ADAM2: variants seen among roughly 807,000 people sequenced by gnomAD.
ADAM2 encodes disintegrin and metalloproteinase domain-containing protein 2.
ADAM2 carries 101 observed loss-of-function variants against 99.3 expected under a neutral mutation model. The observed-to-expected ratio is 1.02, with a 90% CI of 0.87 to 1.20. ADAM2 has a LOEUF of 1.20. ADAM2 is among the 50% of genes most tolerant of loss of function. The pLI, the probability that ADAM2 is intolerant of heterozygous loss-of-function variation, is 0.00. For synonymous variants in ADAM2, 323 were observed against 287.6 expected (o/e 1.12, Z -1.25); for missense variants, 948 against 878.7 (o/e 1.08, Z -1.00).
intron 2 of ADAM2, among the ~76,000 whole-genome samples, chr8:39,836,468 T>C (rs143144583): frequency 6.6e-6 from 1 of 152,166 alleles, no homozygotes; most frequent in African/African-American, 2.4e-5. Flanking sequence ...AATGTCTGTA[T>C]TAGGATGACA....
chr8:39,837,282 A>G, intron 1 of ADAM2, 70 bp from the exon 2 acceptor site: 1 of 1,084,766 alleles, frequency 9.2e-7, no homozygotes, highest in Non-Finnish European at 1.4e-6. Flanking sequence ...TGAGTTTTTC[A>G]TCTAAATCTC....
intron 19 of ADAM2, among the ~76,000 whole-genome samples, chr8:39,745,095 G>GA (rs915756570): frequency 1.2e-4 from 18 of 151,556 alleles, no homozygotes; most frequent in East Asian, 3.9e-4. Context: ...CAGTGAATAT[G>GA]AAAAAAAAGC....
At chr8:39,757,216 A>G (rs1425150586) in intron 15 of ADAM2, among the ~76,000 whole-genome samples, 1 of 151,638 alleles carries the variant, frequency 6.6e-6, no homozygotes, top group Non-Finnish European at 1.5e-5. Flanking sequence ...ATGTAAAAAA[A>G]CCCAACTTGC....
chr8:39,780,719 A>G (rs1803184383), intron 10 of ADAM2, among the ~76,000 whole-genome samples: 1 of 152,176 alleles, frequency 6.6e-6, no homozygotes, highest in African/African-American at 2.4e-5. Flanking sequence ...ATTTTGTTTC[A>G]TCTTAAGTAA....
intron 10 of ADAM2, among the ~76,000 whole-genome samples, chr8:39,785,209 T>C (rs959454215): frequency 6.6e-6 from 1 of 152,220 alleles, no homozygotes; most frequent in Non-Finnish European, 1.5e-5. Context: ...ATTTAATCCA[T>C]CTTGAGTTAA....
intron 7 of ADAM2, among the ~76,000 whole-genome samples, chr8:39,795,052 AT>A (rs995863688): frequency 3.9e-5 from 6 of 152,144 alleles, no homozygotes; most frequent in African/African-American, 1.4e-4. Flanking sequence ...CTAAAAAAAA[AT>A]CTCCCTAAAT....
chr8:39,754,272 G>A (rs1023030425), intron 16 of ADAM2, among the ~76,000 whole-genome samples: 15 of 152,116 alleles, frequency 9.9e-5, no homozygotes, highest in Non-Finnish European at 4.4e-5. Context: ...CCATGTAAAG[G>A]AGGATCACAA....
chr8:39,761,164 C>T lies in ADAM2; in HGVS notation c.1613+12G>A. 1.3e-6 allele frequency: 2 copies of T among 1,496,800 alleles called. No individual in the cohort carries two copies. The highest frequency in any genetic ancestry group is 1.8e-6 in the Non-Finnish European group (2 of 1,108,576). 92.7% of individuals were successfully genotyped at this position (1,496,800 alleles called of 1,614,324 possible). A position where few individuals can be genotyped will look rare whatever the true frequency, so the allele number is the denominator to read the frequency against. ...TAAATAGAAGTTCTAAGACAGATTT[C>T]TGAAAACATACTCAGCTTCACACTG... On this transcript the variant is annotated intron_variant, in intron 15 of 20. Coordinates refer to ENST00000265708, the MANE Select transcript of ADAM2 (RefSeq NM_001464.5).
intron 18 of ADAM2, among the ~76,000 whole-genome samples, chr8:39,747,821 A>G (rs1305917762): frequency 6.6e-6 from 1 of 152,192 alleles, no homozygotes; most frequent in Admixed American, 6.5e-5. Flanking sequence ...TAATGGTTTC[A>G]CTTTCTGCAA....
chr8:39,818,383 G>A (rs1805039222), intron 6 of ADAM2, among the ~76,000 whole-genome samples: 1 of 151,946 alleles, frequency 6.6e-6, no homozygotes, highest in Non-Finnish European at 1.5e-5. Flanking sequence ...AACCCTTAAT[G>A]ACAAAACAAA....
At chr8:39,838,049 A>G (rs1805910818) in intron 1 of ADAM2, 82 bp downstream of exon 1, 5 of 1,467,504 alleles carry the variant, frequency 3.4e-6, no homozygotes, top group Non-Finnish European at 4.8e-6. Flanking sequence ...GCATCCTCCC[A>G]GGGATGTCAA....
At chr8:39,765,693 A>C (rs1347408602) in intron 14 of ADAM2, among the ~76,000 whole-genome samples, 2 of 152,124 alleles carry the variant, frequency 1.3e-5, no homozygotes, top group Non-Finnish European at 2.9e-5. Context: ...TGTGGTACCA[A>C]ATTACCCATT....
At chr8:39,824,672 A>G in intron 4 of ADAM2, 147 bp downstream of exon 4, 6 of 631,192 alleles carry the variant, frequency 9.5e-6, no homozygotes, top group Non-Finnish European at 1.4e-5. Flanking sequence ...AACTCAGTAC[A>G]TCAGTATACA....
chr8:39,810,988 T>C (rs1804669802), intron 6 of ADAM2, among the ~76,000 whole-genome samples: 1 of 151,330 alleles, frequency 6.6e-6, no homozygotes, highest in Non-Finnish European at 1.5e-5. Context: ...AAAAAATCAA[T>C]GAATCCAGGA....
intron 16 of ADAM2, among the ~76,000 whole-genome samples, chr8:39,754,887 T>C (rs1204421409): frequency 6.6e-6 from 1 of 152,230 alleles, no homozygotes; most frequent in African/African-American, 2.4e-5. Context: ...AGGTACCATA[T>C]TGAATGCAAA....
intron 10 of ADAM2, among the ~76,000 whole-genome samples, chr8:39,781,138 T>C (rs565648607): frequency 2.0e-5 from 3 of 152,150 alleles, no homozygotes; most frequent in Non-Finnish European, 4.4e-5. Flanking sequence ...TACAGTTTCA[T>C]ATACATATCA....
chr8:39,829,364 A>G (rs1805531035), intron 3 of ADAM2, among the ~76,000 whole-genome samples: 1 of 152,000 alleles, frequency 6.6e-6, no homozygotes, highest in African/African-American at 2.4e-5. Flanking sequence ...GGCACTTCAC[A>G]GGGGAGAAAT....
chr8:39,759,167 AT>A (rs1802260170), intron 15 of ADAM2, among the ~76,000 whole-genome samples: 1 of 152,144 alleles, frequency 6.6e-6, no homozygotes, highest in Non-Finnish European at 1.5e-5. Context: ...TTATCAAAAC[AT>A]TTAACCTAAA....
chr8:39,794,839 C>T (rs142396589), intron 7 of ADAM2, among the ~76,000 whole-genome samples: 82 of 152,126 alleles, frequency 5.4e-4, no homozygotes, highest in African/African-American at 1.7e-3. Context: ...CTGAATAAAC[C>T]GCTTCCTTCT....
Sources: gnomAD v4.1 joint callset for allele counts (sites outside exome capture counted in the v4.1 genomes callset) on GRCh38, gnomAD v4.1.1 for gene constraint, MANE v1.5 for transcripts, NCBI Gene and HGNC (gene_info 2026-07-23, HGNC 2026-07-21) for gene names.